The following POU2F1 variants were observed in gnomAD, a reference collection of about 807,000 sequenced individuals.
The protein encoded by POU2F1 is POU domain, class 2, transcription factor 1.
Under a neutral mutation model 84.9 loss-of-function variants are expected in POU2F1, and 16 were observed. The observed-to-expected ratio is 0.19, with a 90% CI of 0.13 to 0.29. The LOEUF (loss-of-function observed/expected upper bound fraction) is 0.29, where lower values mean the gene tolerates loss of function less well. Among genes scored for constraint, POU2F1 ranks in the 10% least tolerant of loss-of-function variants. The probability of loss-of-function intolerance (pLI) is 1.00; values close to 1 mark genes in which losing one functional copy is unlikely to be tolerated. For missense variants in POU2F1, 738 were observed against 942.6 expected (o/e 0.78, Z 2.84); for synonymous variants, 368 against 368.3 (o/e 1.00, Z 0.01).
At chr1:167,407,794 A>G (rs1200035914) in intron 13 of POU2F1, among the ~76,000 whole-genome samples, 2 of 152,232 alleles carry the variant, frequency 1.3e-5, no homozygotes, top group African/African-American at 2.4e-5. Context: ...CTGAAACTAT[A>G]AAGTTGCTAG....
At chr1:167,348,430 G>A (rs1392402533) in intron 2 of POU2F1, among the ~76,000 whole-genome samples, 1 of 152,108 alleles carries the variant, frequency 6.6e-6, no homozygotes, top group Non-Finnish European at 1.5e-5. Flanking sequence ...TTCCATAGCA[G>A]CTGAACCATT....
intron 15 of POU2F1, 85 bp downstream of exon 15, chr1:167,413,199 G>C: frequency 1.6e-6 from 2 of 1,216,674 alleles, no homozygotes; most frequent in Non-Finnish European, 2.4e-6. Context: ...GCTTGAGACA[G>C]AGATAGAGGA....
intron 1 of POU2F1, among the ~76,000 whole-genome samples, chr1:167,286,023 T>C (rs1653502875): frequency 6.6e-6 from 1 of 152,070 alleles, no homozygotes; most frequent in African/African-American, 2.4e-5. Flanking sequence ...GAAGAAATAA[T>C]GAAAGGTATG....
intron 1 of POU2F1, among the ~76,000 whole-genome samples, chr1:167,314,295 A>G (rs1331108325): frequency 6.6e-6 from 1 of 152,200 alleles, no homozygotes; most frequent in African/African-American, 2.4e-5. Context: ...GGTGTTCAGT[A>G]TTACTAGCCA....
At chr1:167,377,978 C>A (rs1434996058) in intron 7 of POU2F1, among the ~76,000 whole-genome samples, 1 of 152,082 alleles carries the variant, frequency 6.6e-6, no homozygotes, top group East Asian at 1.9e-4. Context: ...GATTCCATGT[C>A]TTTGCTATTG....
At chr1:167,364,910 G>A (rs975750926) in intron 2 of POU2F1, among the ~76,000 whole-genome samples, 1 of 152,152 alleles carries the variant, frequency 6.6e-6, no homozygotes, top group Admixed American at 6.5e-5. Context: ...CAGGGCCCTT[G>A]CTAATGAGAT....
chr1:167,351,764 T>A (rs1316823900), intron 2 of POU2F1, among the ~76,000 whole-genome samples: 1 of 152,050 alleles, frequency 6.6e-6, no homozygotes, highest in Admixed American at 6.6e-5. Flanking sequence ...GATATCTGCA[T>A]TTTCATCCTA....
chr1:167,228,635 G>A (rs1304802047), intron 1 of POU2F1, among the ~76,000 whole-genome samples: 1 of 152,128 alleles, frequency 6.6e-6, no homozygotes, highest in Non-Finnish European at 1.5e-5. Context: ...GTCAAATTTA[G>A]GTCAGATTAT....
chr1:167,313,541 G>T (rs563206662), intron 1 of POU2F1, among the ~76,000 whole-genome samples: 5 of 152,218 alleles, frequency 3.3e-5, no homozygotes, highest in African/African-American at 1.2e-4. Context: ...CAACTTATTT[G>T]TGACTAAGGT....
intron 2 of POU2F1, among the ~76,000 whole-genome samples, chr1:167,354,530 G>A (rs149331762): frequency 0.029 from 4,346 of 152,242 alleles, 68 homozygotes; most frequent in South Asian, 0.046. Context: ...GACCTCAGGT[G>A]ATCTGCCCGT....
chr1:167,404,375 C>T (rs1649411821), intron 13 of POU2F1, among the ~76,000 whole-genome samples: 1 of 152,076 alleles, frequency 6.6e-6, no homozygotes, highest in Non-Finnish European at 1.5e-5. Flanking sequence ...AGAGTCCCCT[C>T]CCCTGAATGG....
chr1:167,309,658 A>G (rs946209838), intron 1 of POU2F1, among the ~76,000 whole-genome samples: 9 of 152,092 alleles, frequency 5.9e-5, no homozygotes, highest in African/African-American at 1.9e-4. Flanking sequence ...TGCTTCCTCT[A>G]TTCTTATTTA....
intron 2 of POU2F1, among the ~76,000 whole-genome samples, chr1:167,363,933 CTT>C (rs1211763508): frequency 6.6e-6 from 1 of 152,160 alleles, no homozygotes; most frequent in East Asian, 1.9e-4. Flanking sequence ...AAGGTTCTAA[CTT>C]TGTGCTCTTC....
Position 167,385,294 on chromosome 1 carries a change from A to G in POU2F1, c.813+1343A>G, listed in dbSNP as rs529644119. On this transcript the variant is annotated intron_variant, in intron 8 of 15. Transcript: ENST00000367866. Reference sequence around the variant, plus strand: ...ACCTCTAGATTCAACAGTCTCAACCAATACCTAGCAGGCTTTTTTGTAGAA... The same window carrying G: ...ACCTCTAGATTCAACAGTCTCAACCGATACCTAGCAGGCTTTTTTGTAGAA... Among the ~76,000 whole-genome samples, 3 of 152,316 alleles carry G rather than the reference A, an allele frequency of 2.0e-5. No individual in the cohort carries two copies. In the South Asian group the frequency reaches 6.2e-4, roughly 32 times the overall value.
At chr1:167,263,239 G>A (rs770416850) in intron 1 of POU2F1, among the ~76,000 whole-genome samples, 3 of 152,182 alleles carry the variant, frequency 2.0e-5, no homozygotes, top group Non-Finnish European at 4.4e-5. Flanking sequence ...AAACATGTCG[G>A]CCGAGTGTGG....
At chr1:167,367,847 T>C (rs1438575591) in intron 3 of POU2F1, among the ~76,000 whole-genome samples, 1 of 152,070 alleles carries the variant, frequency 6.6e-6, no homozygotes, top group Non-Finnish European at 1.5e-5. Flanking sequence ...GATCTGCAAC[T>C]CCTGAGCTCA....
chr1:167,392,408 A>T (rs1298922703), intron 9 of POU2F1, among the ~76,000 whole-genome samples: 1 of 152,084 alleles, frequency 6.6e-6, no homozygotes, highest in Non-Finnish European at 1.5e-5. Context: ...GATTGATATG[A>T]GTAAGTTACA....
intron 1 of POU2F1, among the ~76,000 whole-genome samples, chr1:167,252,292 A>G (rs1650789163): frequency 1.3e-5 from 2 of 152,138 alleles, no homozygotes; most frequent in Admixed American, 6.5e-5. Context: ...GCTTTTACAA[A>G]TGAAGGCCAT....
intron 2 of POU2F1, among the ~76,000 whole-genome samples, chr1:167,343,280 G>A (rs903416096): frequency 6.6e-6 from 1 of 152,096 alleles, no homozygotes; most frequent in African/African-American, 2.4e-5. Context: ...TTGCCATGAG[G>A]TAACCCAGTA....
Sources: gnomAD v4.1 joint callset for allele counts (sites outside exome capture counted in the v4.1 genomes callset) on GRCh38, gnomAD v4.1.1 for gene constraint, MANE v1.5 for transcripts, NCBI Gene and HGNC (gene_info 2026-07-23, HGNC 2026-07-21) for gene names.